SLC7A8: variants seen among roughly 807,000 people sequenced by gnomAD.
The protein encoded by SLC7A8 is large neutral amino acids transporter small subunit 2.
A neutral mutation model predicts 51.2 loss-of-function variants in SLC7A8; 30 were observed. The observed-to-expected ratio is 0.59, with a 90% CI of 0.44 to 0.80. SLC7A8 has a LOEUF of 0.80. Ranked by LOEUF, SLC7A8 falls within the 30% of genes least tolerant of loss-of-function variation. SLC7A8 has a pLI of 0.00. For missense variants in SLC7A8, 612 were observed against 674.4 expected (o/e 0.91, Z 1.03); for synonymous variants, 257 against 275.8 (o/e 0.93, Z 0.67).
In SLC7A8 at chr14:23,163,310, C is replaced by T. The variant is rs1310287070; in HGVS notation, c.508+1975G>A. Among the ~76,000 whole-genome samples the T allele has an allele frequency of 2.0e-5, 3 of 152,246 alleles. No individual in the cohort carries two copies. The East Asian group carries it at 5.8e-4, about 29-fold the overall frequency. The stretch of plus-strand genomic sequence containing the variant: ...ACAGTAGGGTGGACGAGTGATTTTG[C>T]CCAGCACTCACCACTGCAGTTAGAA... On this transcript the variant is annotated intron_variant, in intron 3 of 10. Transcript: ENST00000316902.
chr14:23,157,376 G>A (rs1167390145), intron 3 of SLC7A8, among the ~76,000 whole-genome samples: 2 of 152,062 alleles, frequency 1.3e-5, no homozygotes, highest in Admixed American at 6.5e-5. Context: ...ATCTTTTCTT[G>A]CCTCTGATCT....
intron 3 of SLC7A8, among the ~76,000 whole-genome samples, chr14:23,157,533 C>T (rs115211339): frequency 0.019 from 2,856 of 152,272 alleles, 31 homozygotes; most frequent in African/African-American, 0.028. Flanking sequence ...TGAGGCTTTT[C>T]ATGATGGGGT....
chr14:23,153,093 C>T (rs2048861593), intron 3 of SLC7A8, among the ~76,000 whole-genome samples: 1 of 152,112 alleles, frequency 6.6e-6, no homozygotes, highest in Admixed American at 6.5e-5. Context: ...GCAGGAATGA[C>T]CTTAGAGACC....
rs568552351 is a variant in SLC7A8 at position 23,129,185 on chromosome 14, G to A, written c.1263+465C>T. ...AAAGGGAGGATCATGGGAGGTTGCA[G>A]TAGACTGGAAGACTTCAAGAAAGAG... On this transcript the variant is annotated intron_variant, in intron 9 of 10. Transcript: ENST00000316902. 20 of 168,862 alleles carry A rather than the reference G, an allele frequency of 1.2e-4. No individual in the cohort carries two copies. In the South Asian group the frequency reaches 2.6e-3, roughly 22 times the overall value. 10.5% of individuals were successfully genotyped at this position (168,862 alleles called of 1,614,324 possible). A position where few individuals can be genotyped will look rare whatever the true frequency, so the allele number is the denominator to read the frequency against.
chr14:23,157,396 C>A (rs2048899574), intron 3 of SLC7A8, among the ~76,000 whole-genome samples: 1 of 152,214 alleles, frequency 6.6e-6, no homozygotes, highest in African/African-American at 2.4e-5. Flanking sequence ...TTATTCCCCT[C>A]ACCAATCCAT....
rs563255752 is a variant in SLC7A8 at position 23,180,682 on chromosome 14, T to G, written c.151+2082A>C. Among the ~76,000 whole-genome samples the G allele has an allele frequency of 9.2e-5, 14 of 152,294 alleles. No homozygotes were observed. The South Asian group carries it at 2.9e-3, about 32-fold the overall frequency. On this transcript the variant is annotated intron_variant, in intron 1 of 10. Coordinates refer to ENST00000316902, the MANE Select transcript of SLC7A8 (RefSeq NM_012244.4). ...GGTTGTGGACAAATCAGTAGTAACATATACCCACAGAAATTGTACTTATTA... is the reference window on the plus strand; with the variant it reads ...GGTTGTGGACAAATCAGTAGTAACAGATACCCACAGAAATTGTACTTATTA...
chr14:23,181,066 C>A (rs778511693), intron 1 of SLC7A8, among the ~76,000 whole-genome samples: 1 of 152,072 alleles, frequency 6.6e-6, no homozygotes, highest in East Asian at 1.9e-4. Flanking sequence ...TTGGGAAGGG[C>A]GAGCCAGGCT....
At chr14:23,127,900 TG>T in intron 10 of SLC7A8, 118 bp downstream of exon 10, 1 of 852,084 alleles carries the variant, frequency 1.2e-6, no homozygotes, top group Non-Finnish European at 1.8e-6. Context: ...CAGGGCTCTG[TG>T]GACTGAGGAG....
intron 3 of SLC7A8, among the ~76,000 whole-genome samples, chr14:23,145,355 GTCT>G (rs2048783706): frequency 3.3e-5 from 5 of 151,238 alleles, no homozygotes; most frequent in Admixed American, 3.3e-4. Context: ...AGTGAAACCC[GTCT>G]CTACCAAAAA....
At position 23,128,498 on chromosome 14, in the gene SLC7A8, A is replaced by C; in HGVS notation, c.1264-302T>G. 6.7e-6 allele frequency: 5 copies of C among 748,144 alleles called. No individual in the cohort carries two copies. Among genetic ancestry groups the C allele is most frequent in the East Asian group, 4.3e-5 (1 of 23,288 alleles). 46.3% of individuals were successfully genotyped at this position (748,144 alleles called of 1,614,324 possible). Reference sequence around the variant, plus strand: ...TAGACAAGGCCTCATCATGCATGCCATGTGCCCGTGGCAGCCAGAGAAGCC... The same window carrying C: ...TAGACAAGGCCTCATCATGCATGCCCTGTGCCCGTGGCAGCCAGAGAAGCC... On this transcript the variant is annotated intron_variant, in intron 9 of 10. Coordinates refer to ENST00000316902, the MANE Select transcript of SLC7A8 (RefSeq NM_012244.4). This position sits in a 1 kb window ranked among gnomAD's most constrained non-coding sequence, Gnocchi z 4.3.
In SLC7A8 at chr14:23,165,319, C is replaced by T. The variant is rs1217253228; in HGVS notation, c.474G>A (p.Glu158=). 1 of 1,608,828 alleles carries T rather than the reference C, an allele frequency of 6.2e-7. No homozygotes were observed. The highest frequency in any genetic ancestry group is 8.5e-7 in the Non-Finnish European group (1 of 1,177,702). Reference sequence around the variant, plus strand: ...TGGCAGCCAGGAGCCGAAGGCCAGACTCTGGGGGGAAGCAGGTGGGGAAGA... The same window carrying T: ...TGGCAGCCAGGAGCCGAAGGCCAGATTCTGGGGGGAAGCAGGTGGGGAAGA... ...QPLFPTCFPP[E]SGLRLLAAIC... Residue 158 remains glutamate (E), a synonymous_variant, in exon 3 of 11, where the codon GAG becomes GAA. Transcript: ENST00000316902. The surrounding 1 kb of genome is among the most constrained non-coding windows in gnomAD (Gnocchi z 4.2).
intron 3 of SLC7A8, among the ~76,000 whole-genome samples, chr14:23,154,747 T>C (rs1396155172): frequency 2.6e-5 from 4 of 152,112 alleles, no homozygotes; most frequent in Non-Finnish European, 4.4e-5. Context: ...CAGAGAGGCC[T>C]GGAGGTGTGG....
chr14:23,136,916 T>C (rs1448230214), intron 7 of SLC7A8, among the ~76,000 whole-genome samples: 1 of 152,072 alleles, frequency 6.6e-6, no homozygotes, highest in Non-Finnish European at 1.5e-5. Context: ...GGTCCCGGGG[T>C]ACAGGGGACA....
At chr14:23,166,870 C>T (rs181072546) in intron 1 of SLC7A8, among the ~76,000 whole-genome samples, 2 of 152,326 alleles carry the variant, frequency 1.3e-5, no homozygotes, top group African/African-American at 4.8e-5. Context: ...CCTAGGTCCA[C>T]ATCGCAGTAA....
In SLC7A8 at chr14:23,163,082, C is replaced by T. The variant is rs1286976117; in HGVS notation, c.508+2203G>A. Among the ~76,000 whole-genome samples, 9 of 152,306 alleles carry T rather than the reference C, an allele frequency of 5.9e-5. No individual in the cohort carries two copies. In the East Asian group the frequency reaches 7.7e-4, roughly 13 times the overall value. On this transcript the variant is annotated intron_variant, in intron 3 of 10. Transcript: ENST00000316902. ...CACTCTTCCTGCATTCCCACGCCCT[C>T]GCTCTTCCCCGCTCCCCATCTCAAC... is the stretch of plus-strand genomic sequence containing the variant.
intron 3 of SLC7A8, among the ~76,000 whole-genome samples, chr14:23,163,605 T>C (rs913114949): frequency 2.0e-5 from 3 of 151,670 alleles, no homozygotes; most frequent in African/African-American, 7.3e-5. Context: ...GATCTCTTCC[T>C]CCCCCATCCC....
chr14:23,152,701 C>T (rs1432866510), intron 3 of SLC7A8, among the ~76,000 whole-genome samples: 4 of 152,188 alleles, frequency 2.6e-5, no homozygotes, highest in East Asian at 3.9e-4. Flanking sequence ...AGGCATGAGC[C>T]GCCACACCCG....
Position 23,128,178 on chromosome 14 carries a change from TG to T in SLC7A8, c.1281del (p.Ile428SerfsTer30). ...AAGGCCCAGAACAGCAAGTAGATGA[TG>T]GGGAACAGCAGGTTGATCTGTGGAG... is the stretch of plus-strand genomic sequence containing the variant. ...PRPIKINLLF[P>X]IIYLLFWAFL... On this transcript the variant is annotated frameshift_variant, in exon 10 of 11. Transcript: ENST00000316902. LOFTEE classifies it high-confidence loss of function. This position sits in a 1 kb window ranked among gnomAD's most constrained non-coding sequence, Gnocchi z 4.3. The T allele has an allele frequency of 6.2e-7, 1 of 1,613,948 alleles. No homozygotes were observed. Among genetic ancestry groups the T allele is most frequent in the Non-Finnish European group, 8.5e-7 (1 of 1,179,966 alleles).
intron 3 of SLC7A8, among the ~76,000 whole-genome samples, chr14:23,160,563 T>C (rs1594835969): frequency 3.0e-5 from 3 of 100,532 alleles, no homozygotes; most frequent in East Asian, 2.3e-4. Flanking sequence ...GGAGGGAGAC[T>C]CCGTCTTAAA....
Sources: gnomAD v4.1 joint callset for allele counts (sites outside exome capture counted in the v4.1 genomes callset) on GRCh38, gnomAD v4.1.1 for gene constraint, Gnocchi (gnomAD v3.1) non-coding constraint, MANE v1.5 for transcripts, NCBI Gene and HGNC (gene_info 2026-07-23, HGNC 2026-07-21) for gene names.